The following SGCD variants were observed in gnomAD, a reference collection of about 807,000 sequenced individuals.
SGCD encodes the protein delta-sarcoglycan.
A neutral mutation model predicts 36.6 loss-of-function variants in SGCD; 18 were observed. The observed-to-expected ratio is 0.49, with a 90% CI of 0.34 to 0.73. The LOEUF is 0.73. Ranked by LOEUF, SGCD falls within the 30% of genes least tolerant of loss-of-function variation. The pLI is 0.01. For synonymous variants in SGCD, 133 were observed against 130.6 expected (o/e 1.02, Z -0.12); for missense variants, 387 against 346.7 (o/e 1.12, Z -0.92).
intron 3 of SGCD, among the ~76,000 whole-genome samples, chr5:156,450,595 A>AT (rs926774669): frequency 1.3e-5 from 2 of 151,780 alleles, no homozygotes; most frequent in East Asian, 1.9e-4. Context: ...ATTTGGAAGG[A>AT]TTTTTTGTGT....
the SGCD span, among the ~76,000 whole-genome samples, chr5:155,809,435 C>A: frequency 2.0e-5 from 3 of 152,334 alleles, no homozygotes; most frequent in Admixed American, 2.0e-4. Context: ...GTATGTCTCG[C>A]TAAACTTTGA....
intron 3 of SGCD, among the ~76,000 whole-genome samples, chr5:156,310,395 T>C (rs1261959426): frequency 6.6e-6 from 1 of 152,180 alleles, no homozygotes; most frequent in Non-Finnish European, 1.5e-5. Context: ...TCTTGATATT[T>C]GGAAGACAGG....
At chr5:156,519,838 A>G (rs552527186) in intron 4 of SGCD, among the ~76,000 whole-genome samples, 1 of 152,374 alleles carries the variant, frequency 6.6e-6, no homozygotes, top group Admixed American at 6.5e-5. Context: ...AAAACTCCCA[A>G]TAAATGAGGT....
chr5:156,642,545 C>A (rs1018848173), intron 6 of SGCD, among the ~76,000 whole-genome samples: 10 of 149,630 alleles, frequency 6.7e-5, no homozygotes, highest in African/African-American at 2.5e-4. Context: ...TCTCGACTCC[C>A]TGCAATTCCA....
chr5:155,851,390 G>A, the SGCD span, among the ~76,000 whole-genome samples: 1 of 152,132 alleles, frequency 6.6e-6, no homozygotes, highest in African/African-American at 2.4e-5. Context: ...TTTCCATGGT[G>A]AGCTGACATC....
intron 1 of SGCD, among the ~76,000 whole-genome samples, chr5:156,116,313 T>A (rs1054951166): frequency 1.3e-5 from 2 of 152,136 alleles, no homozygotes; most frequent in African/African-American, 4.8e-5. Flanking sequence ...TTGGTGATGC[T>A]CTAATTTTTC....
intron 3 of SGCD, among the ~76,000 whole-genome samples, chr5:156,290,897 A>G (rs1766741191): frequency 6.6e-6 from 1 of 152,172 alleles, no homozygotes; most frequent in African/African-American, 2.4e-5. Context: ...AGGGTCAAAT[A>G]GTAAATTTTA....
rs192299346 is a variant in SGCD, at chr5:156,122,911, A to G, written c.-207-945A>G. 3.4e-5 allele frequency among the ~76,000 whole-genome samples: 5 copies of G among 145,696 alleles called. No individual in the cohort carries two copies. The East Asian group carries it at 6.6e-4, about 19-fold the overall frequency. On this transcript the variant is annotated intron_variant, in intron 2 of 9. Transcript: ENST00000517913. ...GTCAGCTGCTGGATTTATTCTGAAG[A>G]TAGTGCCACCAGAATGTGCTGATGA...
intron 3 of SGCD, among the ~76,000 whole-genome samples, chr5:156,152,492 G>A (rs755208116): frequency 1.1e-4 from 17 of 151,652 alleles, no homozygotes; most frequent in Non-Finnish European, 1.8e-4. Flanking sequence ...AAATTGAGAC[G>A]TGCTCTAAGT....
chr5:156,060,949 C>T (rs1402178708), intron 1 of SGCD, among the ~76,000 whole-genome samples: 1 of 145,242 alleles, frequency 6.9e-6, no homozygotes, highest in East Asian at 1.9e-4. Flanking sequence ...TTTAACATCC[C>T]CAGTTCCTAT....
At chr5:155,907,246 T>A (rs1329213482) in intron 1 of SGCD, among the ~76,000 whole-genome samples, 1 of 152,108 alleles carries the variant, frequency 6.6e-6, no homozygotes, top group Non-Finnish European at 1.5e-5. Context: ...AAAAAATTCC[T>A]GGTCATTGAC....
the SGCD span, among the ~76,000 whole-genome samples, chr5:155,806,645 G>A: frequency 6.6e-6 from 1 of 152,130 alleles, no homozygotes; most frequent in African/African-American, 2.4e-5. Context: ...ATACACCTAT[G>A]TAACATACCT....
intron 3 of SGCD, among the ~76,000 whole-genome samples, chr5:156,372,900 A>G (rs962511077): frequency 2.0e-5 from 3 of 151,780 alleles, no homozygotes; most frequent in African/African-American, 7.3e-5. Context: ...TATTCTCTTC[A>G]GGTCTTTCTA....
chr5:156,702,965 G>A (rs572665608), intron 7 of SGCD, among the ~76,000 whole-genome samples: 1 of 152,264 alleles, frequency 6.6e-6, no homozygotes, highest in East Asian at 1.9e-4. Context: ...CATTAAAAAA[G>A]ATTTGGTCTC....
At chr5:156,069,195 G>A (rs111330790) in intron 1 of SGCD, among the ~76,000 whole-genome samples, 19 of 152,084 alleles carry the variant, frequency 1.2e-4, no homozygotes, top group African/African-American at 4.1e-4. Flanking sequence ...TAAAGTCCTT[G>A]CCCATGCCTA....
chr5:156,632,026 C>A (rs749146157), intron 6 of SGCD, among the ~76,000 whole-genome samples: 2 of 152,122 alleles, frequency 1.3e-5, no homozygotes, highest in Non-Finnish European at 2.9e-5. Flanking sequence ...AATTTGTAGA[C>A]TTATCAATCA....
rs139721002 is a variant in SGCD, at chr5:156,259,884, A to G, written c.-43-69650A>G. On this transcript the variant is annotated intron_variant, in intron 3 of 9. Transcript: ENST00000517913. Reference sequence around the variant, plus strand: ...CCGTTTGTCATGTTATGAGGTTGCAAAAAGGCACTCACCAGATGCCAGTAC... The same window carrying G: ...CCGTTTGTCATGTTATGAGGTTGCAGAAAGGCACTCACCAGATGCCAGTAC... Among the ~76,000 whole-genome samples, 61 of 152,272 alleles carry G rather than the reference A, an allele frequency of 4.0e-4. 1 individual carries two copies. In the East Asian group the frequency reaches 0.012, roughly 29 times the overall value.
chr5:156,302,118 C>A (rs1023843765), intron 3 of SGCD, among the ~76,000 whole-genome samples: 1 of 152,150 alleles, frequency 6.6e-6, no homozygotes, highest in African/African-American at 2.4e-5. Flanking sequence ...TCTTCTCTAT[C>A]TCCTCTGTAA....
chr5:156,071,002 T>G (rs969550350), intron 1 of SGCD, among the ~76,000 whole-genome samples: 1 of 152,162 alleles, frequency 6.6e-6, no homozygotes, highest in African/African-American at 2.4e-5. Flanking sequence ...TTTTATTGCA[T>G]CTATTTGATT....
Sources: gnomAD v4.1 joint callset for allele counts (sites outside exome capture counted in the v4.1 genomes callset) on GRCh38, gnomAD v4.1.1 for gene constraint, MANE v1.5 for transcripts, NCBI Gene and HGNC (gene_info 2026-07-23, HGNC 2026-07-21) for gene names.